The following ZNF100 variants were observed in gnomAD, a reference collection of about 807,000 sequenced individuals.
ZNF100 encodes zinc finger protein 100, also known as zinc finger protein 100 (Y1).
Under a neutral mutation model 15.8 loss-of-function variants are expected in ZNF100, and 12 were observed. The ratio of observed to expected loss-of-function variants is 0.76; its 90% CI spans 0.49 to 1.23. The LOEUF (loss-of-function observed/expected upper bound fraction) is 1.23, where lower values mean the gene tolerates loss of function less well. Ranked by LOEUF, ZNF100 falls within the 50% of genes most tolerant of loss-of-function variation. The pLI, the probability that ZNF100 is intolerant of heterozygous loss-of-function variation, is 0.00. For missense variants in ZNF100, 670 were observed against 635.6 expected (o/e 1.05, Z -0.58); for synonymous variants, 226 against 214.8 (o/e 1.05, Z -0.45).
At chr19:21,767,336 CGG>C in intron 1 of ZNF100, 89 bp downstream of exon 1, 1 of 1,599,616 alleles carries the variant, frequency 6.3e-7, no homozygotes, top group Non-Finnish European at 8.6e-7. Context: ...AAGCTGACTG[CGG>C]AGAGGCCTGA....
At position 21,726,858 on chromosome 19, in the gene ZNF100, T is replaced by C. The variant is rs1312668572; in HGVS notation, c.1454A>G (p.Tyr485Cys). 1 of 1,613,278 alleles carries C rather than the reference T, an allele frequency of 6.2e-7. No homozygotes were observed. Among genetic ancestry groups the C allele is most frequent in the African/African-American group, 1.3e-5 (1 of 74,890 alleles). Residue 485 changes from tyrosine (Y) to cysteine (C), a missense_variant, in exon 5 of 5, where the codon TAC becomes TGC. Transcript: ENST00000358296. ...HKMIHTGEKPYKCEECGKAFN... is the reference protein window; with the variant it reads ...HKMIHTGEKPCKCEECGKAFN... ...AGCTTTGCCACATTCCTCACATTTGTAGGGTTTCTCTCCAGTATGAATCAT... is the reference window on the plus strand; with the variant it reads ...AGCTTTGCCACATTCCTCACATTTGCAGGGTTTCTCTCCAGTATGAATCAT...
intron 4 of ZNF100, among the ~76,000 whole-genome samples, chr19:21,728,399 T>C (rs1185917011): frequency 6.6e-6 from 1 of 152,094 alleles, no homozygotes; most frequent in Non-Finnish European, 1.5e-5. Context: ...TGTGTCTCTC[T>C]TGAAATATAA....
chr19:21,758,703 T>C lies in ZNF100; in HGVS notation c.96+6991A>G, dbSNP rs557495371. On this transcript the variant is annotated intron_variant, in intron 2 of 4. Transcript: ENST00000358296. ...GCTGTAGTGAAATTCCCAAGTGTGG[T>C]GACTAGTCCTGGGAGGGGTGTGGAC... Among the ~76,000 whole-genome samples, 4 of 152,260 alleles carry C rather than the reference T, an allele frequency of 2.6e-5. No homozygotes were observed. In the South Asian group the frequency reaches 8.3e-4, roughly 32 times the overall value.
chr19:21,762,821 A>G (rs1038216435), intron 2 of ZNF100, among the ~76,000 whole-genome samples: 1 of 152,178 alleles, frequency 6.6e-6, no homozygotes, highest in East Asian at 1.9e-4. Flanking sequence ...ATTCCCAGAT[A>G]GTTAACCATT....
intron 4 of ZNF100, among the ~76,000 whole-genome samples, chr19:21,737,139 G>GCTAGATTAATAA (rs2036022306): frequency 1.3e-5 from 2 of 151,738 alleles, no homozygotes; most frequent in African/African-American, 4.8e-5. Flanking sequence ...AAAAGAGATA[G>GCTAGATTAATAA]ACCACTAGCT....
chr19:21,745,188 C>T (rs2036190369), intron 2 of ZNF100, 121 bp from the exon 3 acceptor site: 1 of 1,411,596 alleles, frequency 7.1e-7, no homozygotes. Context: ...ATAGAAATGA[C>T]AAATTTTCCA....
At chr19:21,750,704 G>A (rs1230281484) in intron 2 of ZNF100, 3 of 271,490 alleles carry the variant, frequency 1.1e-5, no homozygotes, top group Non-Finnish European at 1.4e-5. Context: ...CGGGGTGGGC[G>A]GGTGAACTGC....
Position 21,727,593 on chromosome 19 carries a change from T to C in ZNF100, c.719A>G (p.Lys240Arg), listed in dbSNP as rs1024156329. Residue 240 changes from lysine (K) to arginine (R), a missense_variant, in exon 5 of 5, where the codon AAA (lysine) becomes AGA (arginine). Physicochemically the swap from Lys to Arg is conservative, Grantham distance 26. Transcript: ENST00000358296. ...ENSYQCKDCGKAFNWFSTLTT... is the reference protein window; with the variant it reads ...ENSYQCKDCGRAFNWFSTLTT... ...AAGGGTTGAGAACCAGTTGAAGGCT[T>C]TGCCACAATCTTTACATTGGTAGGA... 1.2e-6 allele frequency: 2 copies of C among 1,613,280 alleles called. No homozygotes were observed. The highest frequency in any genetic ancestry group is 2.7e-5 in the African/African-American group (2 of 75,036).
intron 4 of ZNF100, among the ~76,000 whole-genome samples, chr19:21,742,025 G>A (rs992338354): frequency 4.6e-5 from 7 of 152,008 alleles, no homozygotes; most frequent in African/African-American, 9.7e-5. Context: ...GGCTGGGCGC[G>A]GTGGCCCATG....
At chr19:21,751,013 CG>C in intron 2 of ZNF100, 1 of 1,245,334 alleles carries the variant, frequency 8.0e-7, no homozygotes, top group Non-Finnish European at 1.1e-6. Context: ...GATTTCGCAG[CG>C]GGCGAGGGCC....
At chr19:21,745,583 C>A (rs557532583) in intron 2 of ZNF100, among the ~76,000 whole-genome samples, 1 of 151,316 alleles carries the variant, frequency 6.6e-6, no homozygotes, top group South Asian at 2.1e-4. Context: ...ACTGCAGTGG[C>A]GCAATCTCGG....
chr19:21,723,273 T>C lies in ZNF100; in HGVS notation c.*3410A>G, dbSNP rs1440412331. On this transcript the variant is annotated 3_prime_UTR_variant, in exon 5 of 5. Transcript: ENST00000358296. ...TACTTGGGAGGCTGAGGCAGGATAATTGCTTGAACCTGGAAGGCAGAGGTT... is the reference window on the plus strand; with the variant it reads ...TACTTGGGAGGCTGAGGCAGGATAACTGCTTGAACCTGGAAGGCAGAGGTT... 4.0e-5 allele frequency: 6 copies of C among 150,934 alleles called. No individual in the cohort carries two copies. Among genetic ancestry groups the C allele is most frequent in the Non-Finnish European group, 8.8e-5 (6 of 67,908 alleles). 9.3% of individuals were successfully genotyped at this position (150,934 alleles called of 1,614,324 possible).
chr19:21,767,166 C>A (rs1330305476), intron 1 of ZNF100, among the ~76,000 whole-genome samples: 1 of 152,208 alleles, frequency 6.6e-6, no homozygotes, highest in Non-Finnish European at 1.5e-5. Flanking sequence ...CTGAGAGAGA[C>A]GCGGCGCTGC....
chr19:21,760,738 G>C (rs544611358), intron 2 of ZNF100, among the ~76,000 whole-genome samples: 51 of 145,006 alleles, frequency 3.5e-4, no homozygotes, highest in African/African-American at 1.3e-3. Context: ...CATTAGAATA[G>C]AGGAAGAACT....
rs1264427941 is a variant in ZNF100 at position 21,727,159 on chromosome 19, A to G, written c.1153T>C (p.Phe385Leu). 30 of 1,611,738 alleles carry G rather than the reference A, an allele frequency of 1.9e-5. No homozygotes were observed. The highest frequency in any genetic ancestry group is 2.2e-5 in the Non-Finnish European group (26 of 1,178,352). ...GTCTTATGTTTAGTAAGGTATGAGA[A>G]TCGGTAAAAAGCTTTGCCACATTCT... ...CEECGKAFYR[F>L]SYLTKHKTSH... The change falls in exon 5 of 5, where the codon TTC becomes CTC. Residue 385 changes from phenylalanine to leucine, a missense_variant. Coordinates refer to ENST00000358296, the MANE Select transcript of ZNF100 (RefSeq NM_173531.4).
intron 2 of ZNF100, 119 bp from the exon 3 acceptor site, chr19:21,745,186 G>T: frequency 7.0e-7 from 1 of 1,431,858 alleles, no homozygotes; most frequent in South Asian, 1.6e-5. Context: ...TAATAGAAAT[G>T]ACAAATTTTC....
At chr19:21,758,441 G>A (rs750192822) in intron 2 of ZNF100, among the ~76,000 whole-genome samples, 3 of 152,202 alleles carry the variant, frequency 2.0e-5, no homozygotes, top group Non-Finnish European at 4.4e-5. Flanking sequence ...CATGGGTGGG[G>A]AAGAATGCAG....
chr19:21,724,555 T>C lies in ZNF100; in HGVS notation c.*2128A>G, dbSNP rs969241917. On this transcript the variant is annotated 3_prime_UTR_variant, in exon 5 of 5. Transcript: ENST00000358296. ...AAAATAACACTGTAATCAATAACAA[T>C]TTAATTTTACATTTTAAAATAACTA... The C allele has an allele frequency of 2.6e-5, 4 of 152,134 alleles. No homozygotes were observed. Among genetic ancestry groups the C allele is most frequent in the African/African-American group, 7.2e-5 (3 of 41,420 alleles). The allele number at this position is 152,134 out of a possible 1,614,324, so 9.4% of individuals were successfully genotyped here.
At chr19:21,766,829 T>C (rs2036571245) in intron 1 of ZNF100, among the ~76,000 whole-genome samples, 1 of 151,530 alleles carries the variant, frequency 6.6e-6, no homozygotes, top group Non-Finnish European at 1.5e-5. Flanking sequence ...CCGTCCCAAC[T>C]AAAAATACAA....
Sources: gnomAD v4.1 joint callset for allele counts (sites outside exome capture counted in the v4.1 genomes callset) on GRCh38, gnomAD v4.1.1 for gene constraint, MANE v1.5 for transcripts, NCBI Gene and HGNC (gene_info 2026-07-23, HGNC 2026-07-21) for gene names.